The following BBOF1 variants were observed in gnomAD, a reference collection of about 807,000 sequenced individuals.
BBOF1 encodes the protein basal body orientation factor 1, also known as basal body-orientation factor 1.
A neutral mutation model predicts 68.0 loss-of-function variants in BBOF1; 62 were observed. That is an observed-to-expected ratio of 0.91 (90% CI 0.74 to 1.13). BBOF1 has a LOEUF of 1.13. Ranked by LOEUF, BBOF1 falls within the 50% of genes most tolerant of loss-of-function variation. The pLI, the probability that BBOF1 is intolerant of heterozygous loss-of-function variation, is 0.00. For missense variants in BBOF1, 534 were observed against 600.1 expected (o/e 0.89, Z 1.15); for synonymous variants, 208 against 198.8 (o/e 1.05, Z -0.39).
chr14:74,020,303 T>C (rs960996549), intron 1 of BBOF1, among the ~76,000 whole-genome samples: 1 of 152,114 alleles, frequency 6.6e-6, no homozygotes, highest in Non-Finnish European at 1.5e-5. Context: ...GCCAAGGGCT[T>C]ATCACATTCC....
At chr14:74,067,988 G>C (rs958446493), downstream of BBOF1, among the ~76,000 whole-genome samples, 2 of 114,346 alleles carry the variant, frequency 1.7e-5, no homozygotes, top group Non-Finnish European at 3.4e-5. Context: ...GTTATATGAA[G>C]AGCAATGTTA....
At position 74,064,309 on chromosome 14, in the gene BBOF1, A is replaced by AT. The variant is rs199574362; in HGVS notation, c.1579-379_1579-378insT. Reference sequence around the variant, plus strand: ...CGAGACTGTGTCTCAAAAAAAAAAAAAATAATAATAATAATAGTAATAATA... The same window carrying AT: ...CGAGACTGTGTCTCAAAAAAAAAAAATAATAATAATAATAATAGTAATAATA... On this transcript the variant is annotated intron_variant, in intron 11 of 11. Transcript: ENST00000394009. Among the ~76,000 whole-genome samples the AT allele has an allele frequency of 6.7e-3, 999 of 148,756 alleles. 6 individuals are homozygous for AT. The highest frequency in any genetic ancestry group is 0.018 in the African/African-American group (721 of 40,408).
chr14:74,055,473 T>C, intron 8 of BBOF1, 111 bp from the exon 9 acceptor site: 2 of 737,892 alleles, frequency 2.7e-6, no homozygotes, highest in African/African-American at 3.5e-5. Flanking sequence ...AATATTCAAT[T>C]ATGGTGTGGA....
At chr14:74,062,207 A>T (rs555293509) in intron 11 of BBOF1, among the ~76,000 whole-genome samples, 117 of 152,236 alleles carry the variant, frequency 7.7e-4, no homozygotes, top group African/African-American at 2.6e-3. Flanking sequence ...CAAAAAAATA[A>T]ATAAATGGAG....
chr14:74,026,518 T>C (rs1040788280), intron 2 of BBOF1, among the ~76,000 whole-genome samples: 7 of 148,550 alleles, frequency 4.7e-5, no homozygotes, highest in Admixed American at 1.4e-4. Flanking sequence ...TTAAAGGACA[T>C]GGCCTTGTTT....
chr14:74,044,233 G>A (rs1219413110), intron 5 of BBOF1, among the ~76,000 whole-genome samples: 1 of 151,794 alleles, frequency 6.6e-6, no homozygotes, highest in East Asian at 1.9e-4. Context: ...GTGACAGAGT[G>A]AGACTCTGTC....
downstream of BBOF1, among the ~76,000 whole-genome samples, chr14:74,070,290 G>A (rs10129293): frequency 9.3e-3 from 1,420 of 152,076 alleles, 26 homozygotes; most frequent in African/African-American, 0.033. Context: ...AGGCCGAGGC[G>A]GGTGGATCAC....
chr14:74,022,070 A>G (rs1007067367), intron 1 of BBOF1, among the ~76,000 whole-genome samples: 55 of 152,230 alleles, frequency 3.6e-4, no homozygotes, highest in Non-Finnish European at 5.4e-4. Flanking sequence ...AATAGAAAAG[A>G]TAGTTTAACT....
At chr14:74,066,984 G>C, downstream of BBOF1, 1 of 1,192,372 alleles carries the variant, frequency 8.4e-7, no homozygotes, top group Non-Finnish European at 1.2e-6. Flanking sequence ...AGGAGGCCAA[G>C]GCAGGAGGAC....
At chr14:74,078,569 C>A (rs769176103) in intron 10 of BBOF1, among the ~76,000 whole-genome samples, 1 of 152,050 alleles carries the variant, frequency 6.6e-6, no homozygotes, top group Non-Finnish European at 1.5e-5. Flanking sequence ...ACTCTGTCAC[C>A]CAGGCTGGAG....
At chr14:74,051,678 A>G (rs1034082307) in intron 8 of BBOF1, among the ~76,000 whole-genome samples, 4 of 151,716 alleles carry the variant, frequency 2.6e-5, no homozygotes, top group Non-Finnish European at 4.4e-5. Flanking sequence ...TCTCCTCCCT[A>G]TAAACCATGG....
intron 9 of BBOF1, chr14:74,071,686 GTAT>G: frequency 4.7e-6 from 7 of 1,499,578 alleles, no homozygotes; most frequent in Non-Finnish European, 3.6e-6. Flanking sequence ...ACAGCGATAT[GTAT>G]ATACCCACTG....
rs745811332 is a variant in BBOF1, at chr14:74,049,890, A to G, written c.981A>G (p.Glu327=). 6.8e-6 allele frequency: 11 copies of G among 1,614,078 alleles called. No homozygotes were observed. The African/African-American group carries it at 1.3e-4, about 20-fold the overall frequency. Residue 327 remains glutamate, a synonymous_variant, in exon 8 of 12, where the codon GAA becomes GAG. Transcript: ENST00000394009. ...AMIENQAGQV[E]IDKLQHLLQM... ...TAGAGAACCAAGCAGGTCAGGTAGA[A>G]ATTGACAAGCTGCAGCACCTTCTTC...
intron 10 of BBOF1, among the ~76,000 whole-genome samples, chr14:74,079,745 T>C (rs1040847138): frequency 6.6e-6 from 1 of 152,162 alleles, no homozygotes; most frequent in Admixed American, 6.5e-5. Flanking sequence ...TTTTTTGTAT[T>C]TTTAGTGGAG....
intron 2 of BBOF1, among the ~76,000 whole-genome samples, chr14:74,028,961 C>T (rs2059501988): frequency 6.6e-6 from 1 of 152,194 alleles, no homozygotes; most frequent in Admixed American, 6.5e-5. Context: ...CACACACACA[C>T]ACACACAAAA....
chr14:74,069,034 A>G, downstream of BBOF1: 4 of 1,595,974 alleles, frequency 2.5e-6, no homozygotes, highest in East Asian at 4.5e-5. Flanking sequence ...GATTCTCAAC[A>G]TGGCAAATTT....
At chr14:74,029,930 C>T (rs1379162103) in intron 3 of BBOF1, among the ~76,000 whole-genome samples, 1 of 152,034 alleles carries the variant, frequency 6.6e-6, no homozygotes, top group African/African-American at 2.4e-5. Flanking sequence ...TTATCCCTTG[C>T]CAAAAGTCCT....
intron 2 of BBOF1, among the ~76,000 whole-genome samples, chr14:74,024,688 A>G (rs1373528989): frequency 6.6e-6 from 1 of 151,292 alleles, no homozygotes; most frequent in Non-Finnish European, 1.5e-5. Flanking sequence ...CTGGTCTTGA[A>G]CTCCTGAGCT....
Position 74,064,670 on chromosome 14 carries a change from C to CT in BBOF1, c.1579-14dup. The CT allele has an allele frequency of 2.5e-6, 4 of 1,613,870 alleles. No homozygotes were observed. Among genetic ancestry groups the CT allele is most frequent in the Non-Finnish European group, 3.4e-6 (4 of 1,179,820 alleles). The stretch of plus-strand genomic sequence containing the variant: ...AGCAGCTTTGGCAAAATTTTGTTAA[C>CT]TTTTAAATCTTTTTTAGGGAACCTT... On this transcript the variant is annotated splice_polypyrimidine_tract_variant and intron_variant, in intron 11 of 11. Coordinates refer to ENST00000394009, the MANE Select transcript of BBOF1 (RefSeq NM_025057.3).
Sources: allele counts gnomAD v4.1 joint callset (sites outside exome capture counted in the v4.1 genomes callset), GRCh38; gene constraint gnomAD v4.1.1; transcripts MANE v1.5; gene names NCBI Gene and HGNC (gene_info 2026-07-23, HGNC 2026-07-21).